Variants in CDYL2 observed in about 807,000 individuals in gnomAD.
CDYL2 encodes chromodomain Y like 2, also known as chromodomain Y-like protein 2.
A neutral mutation model predicts 49.4 loss-of-function variants in CDYL2; 23 were observed. That is an observed-to-expected ratio of 0.47 (90% confidence interval 0.34 to 0.66). CDYL2 has a LOEUF of 0.66. Ranked by LOEUF, CDYL2 falls within the 30% of genes least tolerant of loss-of-function variation. The probability of loss-of-function intolerance (pLI) is 0.01; values close to 1 mark genes in which losing one functional copy is unlikely to be tolerated. For missense variants in CDYL2, 678 were observed against 656.4 expected (o/e 1.03, Z -0.36); for synonymous variants, 360 against 268.8 (o/e 1.34, Z -3.32).
At chr16:80,650,599 C>A (rs961424446) in intron 2 of CDYL2, among the ~76,000 whole-genome samples, 4 of 152,132 alleles carry the variant, frequency 2.6e-5, no homozygotes, top group East Asian at 1.9e-4. Flanking sequence ...ACCATGTGAT[C>A]CAGCAATCCC....
At chr16:80,718,512 A>C (rs139519515) in intron 1 of CDYL2, among the ~76,000 whole-genome samples, 87 of 152,304 alleles carry the variant, frequency 5.7e-4, no homozygotes, top group African/African-American at 1.9e-3. Flanking sequence ...GCCCACTCTG[A>C]TGCCTAAGAT....
At chr16:80,721,799 C>A (rs111304989) in intron 1 of CDYL2, among the ~76,000 whole-genome samples, 10 of 152,198 alleles carry the variant, frequency 6.6e-5, no homozygotes, top group Non-Finnish European at 1.2e-4. Flanking sequence ...CTGTCCCCTC[C>A]CCGGTGACCA....
chr16:80,678,817 G>A (rs1291152616), intron 2 of CDYL2, among the ~76,000 whole-genome samples: 1 of 151,246 alleles, frequency 6.6e-6, no homozygotes, highest in Admixed American at 6.6e-5. Context: ...GCACACGTAT[G>A]TTTATTGCGG....
intron 1 of CDYL2, among the ~76,000 whole-genome samples, chr16:80,775,366 T>C (rs188836198): frequency 7.1e-4 from 108 of 151,982 alleles, no homozygotes; most frequent in African/African-American, 2.2e-3. Context: ...AATCTGTATA[T>C]ACAGTTTAAA....
intron 1 of CDYL2, among the ~76,000 whole-genome samples, chr16:80,742,976 C>T (rs536362147): frequency 1.5e-4 from 18 of 120,356 alleles, no homozygotes; most frequent in Middle Eastern, 7.4e-3. Flanking sequence ...GTGGATGAAT[C>T]GATAGGTGAG....
intron 1 of CDYL2, among the ~76,000 whole-genome samples, chr16:80,745,959 G>T (rs1905914489): frequency 6.6e-6 from 1 of 152,170 alleles, no homozygotes; most frequent in South Asian, 2.1e-4. Context: ...TGACTGTCAG[G>T]ATACCCCCTC....
At chr16:80,712,559 C>G (rs898925903) in intron 1 of CDYL2, among the ~76,000 whole-genome samples, 2 of 151,942 alleles carry the variant, frequency 1.3e-5, no homozygotes, top group Admixed American at 6.6e-5. Context: ...GGGGCAGGGG[C>G]GTCTCCTTCC....
At chr16:80,740,120 C>T (rs982218499) in intron 1 of CDYL2, among the ~76,000 whole-genome samples, 2 of 152,160 alleles carry the variant, frequency 1.3e-5, no homozygotes, top group African/African-American at 2.4e-5. Context: ...CTAAATCGGG[C>T]AGGATTGACA....
chr16:80,689,772 G>C (rs998401859), intron 1 of CDYL2, among the ~76,000 whole-genome samples: 2 of 152,226 alleles, frequency 1.3e-5, no homozygotes, highest in South Asian at 2.1e-4. Flanking sequence ...TCACAGGCTA[G>C]TGAGAAACAC....
In CDYL2 at chr16:80,795,518, G is replaced by A. The variant is rs532689323; in HGVS notation, c.24+8632C>T. ...TTGGAGGTAGCAGCTTCTACTCGCT[G>A]GCTAAGGCTAACTGCACAACACAGA... On this transcript the variant is annotated intron_variant, in intron 1 of 6. Coordinates refer to ENST00000570137, the MANE Select transcript of CDYL2 (RefSeq NM_152342.4). Among the ~76,000 whole-genome samples, 22 of 152,282 alleles carry A rather than the reference G, an allele frequency of 1.4e-4. 1 individual carries two copies. The highest frequency in any genetic ancestry group is 4.3e-4 in the African/African-American group (18 of 41,562).
chr16:80,617,246 TGA>T (rs1417832320), intron 4 of CDYL2, among the ~76,000 whole-genome samples: 1 of 151,854 alleles, frequency 6.6e-6, no homozygotes, highest in Non-Finnish European at 1.5e-5. Flanking sequence ...GAGGAGGGGG[TGA>T]GAGTACCACT....
intron 1 of CDYL2, among the ~76,000 whole-genome samples, chr16:80,757,261 G>C (rs1906343393): frequency 6.6e-6 from 1 of 152,044 alleles, no homozygotes; most frequent in Non-Finnish European, 1.5e-5. Context: ...ATAACCAATA[G>C]TTTACCCTAT....
At chr16:80,804,931 C>A (rs945276788), upstream of CDYL2, among the ~76,000 whole-genome samples, 1 of 152,066 alleles carries the variant, frequency 6.6e-6, no homozygotes, top group Non-Finnish European at 1.5e-5. Context: ...GAGTGGACGC[C>A]GCCTGGGAGA....
chr16:80,642,929 A>C (rs966694727), intron 2 of CDYL2, among the ~76,000 whole-genome samples: 5 of 152,156 alleles, frequency 3.3e-5, no homozygotes, highest in Non-Finnish European at 7.4e-5. Context: ...TCCAAATCTC[A>C]AGTCCTCATA....
chr16:80,703,202 T>C (rs1026041355), intron 1 of CDYL2, among the ~76,000 whole-genome samples: 2 of 152,164 alleles, frequency 1.3e-5, no homozygotes, highest in Non-Finnish European at 2.9e-5. Context: ...GCAAGATTAG[T>C]GTTAATTATC....
chr16:80,603,166 C>T lies in CDYL2; in HGVS notation c.*1222G>A, dbSNP rs1484008967. The T allele has an allele frequency of 6.6e-6, 1 of 152,228 alleles. No homozygotes were observed. The highest frequency in any genetic ancestry group is 2.1e-4 in the South Asian group (1 of 4,838). 9.4% of individuals were successfully genotyped at this position (152,228 alleles called of 1,614,324 possible). A position where few individuals can be genotyped will look rare whatever the true frequency, so the allele number is the denominator to read the frequency against. On this transcript the variant is annotated 3_prime_UTR_variant, in exon 7 of 7. Transcript: ENST00000570137. The stretch of plus-strand genomic sequence containing the variant: ...ACAGCTCAGCAGAGTGGGAACTCTT[C>T]CCCATCCCCCTGGCCAATACCAGAA...
chr16:80,692,166 C>G (rs1446504727), intron 1 of CDYL2, among the ~76,000 whole-genome samples: 1 of 152,186 alleles, frequency 6.6e-6, no homozygotes, highest in Non-Finnish European at 1.5e-5. Context: ...CGTCCTAAGT[C>G]TGCACGTCAA....
At chr16:80,793,663 G>T (rs954354491) in intron 1 of CDYL2, among the ~76,000 whole-genome samples, 2 of 152,192 alleles carry the variant, frequency 1.3e-5, no homozygotes, top group Admixed American at 6.5e-5. Context: ...ACCGAGCTTA[G>T]GGTTTAGCAG....
At chr16:80,673,900 T>C (rs373950324) in intron 2 of CDYL2, among the ~76,000 whole-genome samples, 18 of 152,052 alleles carry the variant, frequency 1.2e-4, no homozygotes, top group East Asian at 1.2e-3. Context: ...GAGAAGGAGA[T>C]GTGAGGATGG....
Sources: allele counts gnomAD v4.1 joint callset (sites outside exome capture counted in the v4.1 genomes callset), GRCh38; gene constraint gnomAD v4.1.1; transcripts MANE v1.5; gene names NCBI Gene and HGNC (gene_info 2026-07-23, HGNC 2026-07-21).